The following ARSJ variants were observed in gnomAD, a reference collection of about 807,000 sequenced individuals.
The protein encoded by ARSJ is arylsulfatase J.
Under a neutral mutation model 35.9 loss-of-function variants are expected in ARSJ, and 26 were observed. That is an observed-to-expected ratio of 0.72 (90% CI 0.53 to 1.00). The LOEUF (loss-of-function observed/expected upper bound fraction) is 1.00, where lower values mean the gene tolerates loss of function less well. Among genes scored for constraint, ARSJ ranks in the 50% least tolerant of loss-of-function variants. The pLI is 0.00. For missense variants in ARSJ, 667 were observed against 723.6 expected, an observed-to-expected ratio of 0.92 and a Z score of 0.90; for synonymous variants, 294 against 267.6, an observed-to-expected ratio of 1.10 and a Z score of -0.96.
intron 1 of ARSJ, among the ~76,000 whole-genome samples, chr4:113,973,135 G>T (rs115531726): frequency 0.024 from 3,673 of 152,196 alleles, 50 homozygotes; most frequent in Middle Eastern, 0.037. Context: ...CCATGGGAGT[G>T]ATTATTCAAC....
In ARSJ at chr4:113,960,754, T is replaced by C. The variant is rs148616626; in HGVS notation, c.398+17683A>G. 3.1e-3 allele frequency among the ~76,000 whole-genome samples: 468 copies of C among 152,162 alleles called. 3 individuals are homozygous for C. Among genetic ancestry groups the C allele is most frequent in the African/African-American group, 0.011 (447 of 41,542 alleles). On this transcript the variant is annotated intron_variant, in intron 1 of 1. Transcript: ENST00000315366. ...TTAAGTCAGTAACTTATTTTCTTGA[T>C]ATGTTAAGAAAATTCCCTCAAAGTA...
chr4:113,964,076 G>T (rs1019021059), intron 1 of ARSJ, among the ~76,000 whole-genome samples: 1 of 151,976 alleles, frequency 6.6e-6, no homozygotes, highest in African/African-American at 2.4e-5. Context: ...ACGAACCATT[G>T]AATTATTTTA....
At chr4:113,929,938 T>C (rs569287199) in intron 1 of ARSJ, among the ~76,000 whole-genome samples, 76 of 152,176 alleles carry the variant, frequency 5.0e-4, no homozygotes, top group Non-Finnish European at 8.7e-4. Flanking sequence ...GTCAAATGCA[T>C]TTATTTTGCA....
intron 1 of ARSJ, among the ~76,000 whole-genome samples, chr4:113,977,037 T>C (rs1727630610): frequency 6.6e-6 from 1 of 152,214 alleles, no homozygotes; most frequent in Non-Finnish European, 1.5e-5. Context: ...GTTGGCTATC[T>C]GTGTAAATCT....
intron 1 of ARSJ, among the ~76,000 whole-genome samples, chr4:113,952,076 A>G (rs1442907130): frequency 1.3e-5 from 2 of 151,968 alleles, no homozygotes; most frequent in Non-Finnish European, 2.9e-5. Flanking sequence ...TCATTTTTTA[A>G]GAGACAGGGT....
At chr4:113,968,218 T>C (rs7677674) in intron 1 of ARSJ, among the ~76,000 whole-genome samples, 38,744 of 152,132 alleles carry the variant, frequency 0.25, 5,231 homozygotes, top group East Asian at 0.29. Flanking sequence ...GTTTAAGTTA[T>C]ATGGCTGATG....
chr4:113,918,375 T>C (rs1723452421), intron 1 of ARSJ, among the ~76,000 whole-genome samples: 1 of 152,164 alleles, frequency 6.6e-6, no homozygotes, highest in Admixed American at 6.6e-5. Flanking sequence ...AATATTTATG[T>C]TATGTGTAAA....
chr4:113,959,584 T>G (rs549103189), intron 1 of ARSJ, among the ~76,000 whole-genome samples: 65 of 152,160 alleles, frequency 4.3e-4, no homozygotes, highest in African/African-American at 1.3e-3. Flanking sequence ...TAACATTGAT[T>G]AGAAGAACCT....
At chr4:113,930,941 C>A (rs546224011) in intron 1 of ARSJ, among the ~76,000 whole-genome samples, 10 of 150,374 alleles carry the variant, frequency 6.7e-5, no homozygotes, top group Non-Finnish European at 1.5e-4. Flanking sequence ...AACCAAACAC[C>A]GCATATTCTC....
chr4:113,927,660 C>A (rs182068789), intron 1 of ARSJ, among the ~76,000 whole-genome samples: 361 of 152,260 alleles, frequency 2.4e-3, no homozygotes, highest in African/African-American at 8.4e-3. Context: ...TTTTGTCAAG[C>A]AATGAAACCA....
intron 1 of ARSJ, among the ~76,000 whole-genome samples, chr4:113,950,531 T>C (rs1207839357): frequency 1.3e-5 from 2 of 150,988 alleles, no homozygotes; most frequent in Non-Finnish European, 2.9e-5. Flanking sequence ...GTGAGACAAA[T>C]CTTGAAAGAG....
intron 1 of ARSJ, among the ~76,000 whole-genome samples, chr4:113,909,331 A>T (rs928734137): frequency 2.0e-5 from 3 of 152,158 alleles, no homozygotes; most frequent in African/African-American, 7.2e-5. Flanking sequence ...AAACAAAAAA[A>T]TAGTAAACAG....
At chr4:113,953,204 A>G (rs976668683) in intron 1 of ARSJ, among the ~76,000 whole-genome samples, 12 of 152,060 alleles carry the variant, frequency 7.9e-5, no homozygotes, top group Admixed American at 5.3e-4. Context: ...CCGTATTCTG[A>G]TTCAATAATT....
chr4:113,934,525 TA>T (rs896988778), intron 1 of ARSJ, among the ~76,000 whole-genome samples: 2 of 151,766 alleles, frequency 1.3e-5, no homozygotes, highest in Non-Finnish European at 3.0e-5. Context: ...ATATGGGAGC[TA>T]AAAAATATCA....
chr4:113,978,282 TA>T (rs1397424566), intron 1 of ARSJ, among the ~76,000 whole-genome samples, 154 bp downstream of exon 1: 4 of 152,252 alleles, frequency 2.6e-5, no homozygotes, highest in Non-Finnish European at 5.9e-5. Flanking sequence ...GTATCCATTT[TA>T]ACACGGTACC....
At chr4:113,962,470 C>T (rs1382129178) in intron 1 of ARSJ, among the ~76,000 whole-genome samples, 1 of 147,100 alleles carries the variant, frequency 6.8e-6, no homozygotes, top group Non-Finnish European at 1.5e-5. Context: ...TACATGTCTG[C>T]TGGAGCAGGC....
rs187704386 is a variant in ARSJ at position 113,925,956 on chromosome 4, C to T, written c.399-22281G>A. ...AGGTCAGCCTTGGTGAGTGGAAGTC[C>T]ATGTTGTGGAGCGCATGCATAACCT... is the stretch of plus-strand genomic sequence containing the variant. On this transcript the variant is annotated intron_variant, in intron 1 of 1. Coordinates refer to ENST00000315366, the MANE Select transcript of ARSJ (RefSeq NM_024590.4). Among the ~76,000 whole-genome samples, 66 of 152,218 alleles carry T rather than the reference C, an allele frequency of 4.3e-4. No homozygotes were observed. The Middle Eastern group carries it at 0.01, about 24-fold the overall frequency.
At chr4:113,945,221 AC>A (rs1295185992) in intron 1 of ARSJ, among the ~76,000 whole-genome samples, 1 of 151,904 alleles carries the variant, frequency 6.6e-6, no homozygotes, top group Non-Finnish European at 1.5e-5. Context: ...CAGCTCACTG[AC>A]CTCCTCGGTT....
intron 1 of ARSJ, among the ~76,000 whole-genome samples, chr4:113,908,068 C>T (rs1038622863): frequency 1.3e-5 from 2 of 151,976 alleles, no homozygotes; most frequent in Admixed American, 6.6e-5. Context: ...CAAAACTGCA[C>T]GTAAACCCCT....
Sources: gnomAD v4.1 joint callset for allele counts (sites outside exome capture counted in the v4.1 genomes callset) on GRCh38, gnomAD v4.1.1 for gene constraint, MANE v1.5 for transcripts, NCBI Gene and HGNC (gene_info 2026-07-23, HGNC 2026-07-21) for gene names.